Variants in EHBP1 observed in about 807,000 individuals in gnomAD.
The protein encoded by EHBP1 is EH domain binding protein 1, also known as EH domain-binding protein 1.
A neutral mutation model predicts 144.0 loss-of-function variants in EHBP1; 55 were observed. The ratio of observed to expected loss-of-function variants is 0.38; its 90% CI spans 0.31 to 0.48. The LOEUF (loss-of-function observed/expected upper bound fraction) is 0.48, where lower values mean the gene tolerates loss of function less well. Ranked by LOEUF, EHBP1 falls within the 20% of genes least tolerant of loss-of-function variation. EHBP1 has a pLI of 0.98. For synonymous variants in EHBP1, 469 were observed against 472.7 expected (o/e 0.99, Z 0.10); for missense variants, 1,200 against 1,364.2 (o/e 0.88, Z 1.90).
At chr2:62,871,518 G>A (rs2050483274) in intron 9 of EHBP1, among the ~76,000 whole-genome samples, 1 of 152,172 alleles carries the variant, frequency 6.6e-6, no homozygotes, top group Non-Finnish European at 1.5e-5. Flanking sequence ...AAAGAACTCT[G>A]TTTGTATTAA....
intron 10 of EHBP1, among the ~76,000 whole-genome samples, chr2:62,932,783 G>A (rs561697646): frequency 7.2e-5 from 11 of 151,884 alleles, no homozygotes; most frequent in African/African-American, 2.2e-4. Flanking sequence ...GCGGAATCCC[G>A]TCTCTACTAA....
intron 13 of EHBP1, among the ~76,000 whole-genome samples, chr2:62,954,806 G>A (rs929691736): frequency 6.6e-6 from 1 of 151,996 alleles, no homozygotes; most frequent in African/African-American, 2.4e-5. Context: ...CCAGAAGTTG[G>A]TTACTTAGTA....
At chr2:62,918,828 G>A (rs992894659) in intron 10 of EHBP1, among the ~76,000 whole-genome samples, 1 of 152,172 alleles carries the variant, frequency 6.6e-6, no homozygotes, top group East Asian at 1.9e-4. Flanking sequence ...GGAGGTAGAG[G>A]ATTCTGAGAA....
intron 3 of EHBP1, among the ~76,000 whole-genome samples, chr2:62,755,369 A>G (rs1238407056): frequency 6.6e-6 from 1 of 151,588 alleles, no homozygotes; most frequent in Non-Finnish European, 1.5e-5. Flanking sequence ...CTCCATGCAA[A>G]TATACTACAA....
chr2:62,889,500 T>C (rs1202957958), intron 10 of EHBP1, among the ~76,000 whole-genome samples: 1 of 152,190 alleles, frequency 6.6e-6, no homozygotes, highest in East Asian at 1.9e-4. Context: ...TGCTATTGCC[T>C]AGGTTCTTTT....
intron 10 of EHBP1, among the ~76,000 whole-genome samples, chr2:62,910,828 A>T (rs578196428): frequency 6.6e-6 from 1 of 152,314 alleles, no homozygotes; most frequent in African/African-American, 2.4e-5. Context: ...GTTAAAACAG[A>T]TCCTCAGTAA....
intron 5 of EHBP1, among the ~76,000 whole-genome samples, chr2:62,811,885 C>G (rs546893673): frequency 3.3e-5 from 5 of 152,236 alleles, no homozygotes; most frequent in African/African-American, 1.2e-4. Flanking sequence ...ACTTTTAAGT[C>G]CAGTGCTGTG....
intron 5 of EHBP1, among the ~76,000 whole-genome samples, chr2:62,776,247 C>T (rs932447397): frequency 8.5e-5 from 13 of 152,138 alleles, no homozygotes; most frequent in Non-Finnish European, 1.8e-4. Context: ...GAGCTTTCTT[C>T]TTTGGACCAG....
chr2:62,679,961 G>A (rs2033453983), intron 1 of EHBP1, among the ~76,000 whole-genome samples: 1 of 152,172 alleles, frequency 6.6e-6, no homozygotes, highest in Admixed American at 6.5e-5. Flanking sequence ...AGCGTACTTA[G>A]CATGTTAATC....
chr2:62,832,606 T>C (rs2046907200), intron 7 of EHBP1, among the ~76,000 whole-genome samples: 1 of 152,150 alleles, frequency 6.6e-6, no homozygotes, highest in South Asian at 2.1e-4. Flanking sequence ...TCACACTTTT[T>C]CATTATTATT....
intron 9 of EHBP1, among the ~76,000 whole-genome samples, chr2:62,869,822 C>A (rs550117250): frequency 6.6e-6 from 1 of 152,300 alleles, no homozygotes; most frequent in East Asian, 1.9e-4. Context: ...TTAAAAAGAA[C>A]AGCAATCTTT....
chr2:62,749,952 T>A (rs1216248039), intron 3 of EHBP1, among the ~76,000 whole-genome samples: 1 of 152,186 alleles, frequency 6.6e-6, no homozygotes, highest in Non-Finnish European at 1.5e-5. Flanking sequence ...ACTCTCATGG[T>A]GGTTTCTTTT....
chr2:62,905,030 A>T (rs1003951135), intron 10 of EHBP1, among the ~76,000 whole-genome samples: 2 of 152,312 alleles, frequency 1.3e-5, no homozygotes, highest in Admixed American at 1.3e-4. Flanking sequence ...TGCCAGAAAG[A>T]TGATATTTTA....
intron 3 of EHBP1, among the ~76,000 whole-genome samples, chr2:62,751,707 G>T (rs1301242705): frequency 2.0e-5 from 3 of 152,036 alleles, no homozygotes; most frequent in Non-Finnish European, 4.4e-5. Flanking sequence ...CCTGGTTTAG[G>T]CTTCGGAGGG....
At chr2:62,744,779 A>G (rs2039002229) in intron 2 of EHBP1, among the ~76,000 whole-genome samples, 1 of 152,102 alleles carries the variant, frequency 6.6e-6, no homozygotes, top group Non-Finnish European at 1.5e-5. Flanking sequence ...GGTGCTAAGC[A>G]TTAGAATGAG....
At chr2:62,943,670 G>A in intron 11 of EHBP1, 132 bp from the exon 12 acceptor site, 2 of 473,966 alleles carry the variant, frequency 4.2e-6, no homozygotes, top group Non-Finnish European at 7.5e-6. Flanking sequence ...TAGTTTTGTT[G>A]ATTGAATTGC....
chr2:63,039,544 T>C (rs754388393), intron 21 of EHBP1, among the ~76,000 whole-genome samples: 1 of 152,162 alleles, frequency 6.6e-6, no homozygotes, highest in Non-Finnish European at 1.5e-5. Context: ...AAAATGGACC[T>C]TTTGTCTAAT....
chr2:62,867,998 C>CA (rs923822166), intron 9 of EHBP1, among the ~76,000 whole-genome samples: 13 of 150,062 alleles, frequency 8.7e-5, no homozygotes, highest in African/African-American at 2.0e-4. Context: ...CCCTCCTCAA[C>CA]AAAAAAAAAG....
At chr2:62,951,941 G>A (rs2058566) in intron 13 of EHBP1, among the ~76,000 whole-genome samples, 108,261 of 152,072 alleles carry the variant, frequency 0.71, 39,266 homozygotes, top group African/African-American at 0.86. Context: ...CTGGAATCTC[G>A]TTTTGACTCT....
Sources: gnomAD v4.1 joint callset for allele counts (sites outside exome capture counted in the v4.1 genomes callset) on GRCh38, gnomAD v4.1.1 for gene constraint, MANE v1.5 for transcripts, NCBI Gene and HGNC (gene_info 2026-07-23, HGNC 2026-07-21) for gene names.